The following PAX7 variants were observed in gnomAD, a reference collection of about 807,000 sequenced individuals.
PAX7 encodes the protein paired box protein Pax-7.
Under a neutral mutation model 50.7 loss-of-function variants are expected in PAX7, and 18 were observed. The ratio of observed to expected loss-of-function variants is 0.36; its 90% CI spans 0.25 to 0.53. The LOEUF (loss-of-function observed/expected upper bound fraction) is 0.53. PAX7 is among the 20% of genes least tolerant of loss of function. The pLI, the probability that PAX7 is intolerant of heterozygous loss-of-function variation, is 0.93. For missense variants in PAX7, 644 were observed against 702.9 expected, an observed-to-expected ratio of 0.92 and a Z score of 0.95; for synonymous variants, 310 against 290.4, an observed-to-expected ratio of 1.07 and a Z score of -0.69.
At position 18,735,468 on chromosome 1, in the gene PAX7, G is replaced by A. The variant is rs1218621031; in HGVS notation, c.1156-164G>A. Reference sequence around the variant, plus strand: ...GAAGACCAGCAGCCATCCCATGCATGAGGGCACGCAAATCAGGTAAACTGA... The same window carrying A: ...GAAGACCAGCAGCCATCCCATGCATAAGGGCACGCAAATCAGGTAAACTGA... On this transcript the variant is annotated intron_variant, in intron 7 of 8. Transcript: ENST00000420770. This position sits in a 1 kb window ranked among gnomAD's most constrained non-coding sequence, Gnocchi z 4.0. Among the ~76,000 whole-genome samples the A allele has an allele frequency of 3.3e-5, 5 of 152,170 alleles. No individual in the cohort carries two copies. Among genetic ancestry groups the A allele is most frequent in the African/African-American group, 9.7e-5 (4 of 41,438 alleles).
intron 7 of PAX7, among the ~76,000 whole-genome samples, chr1:18,707,403 CT>C (rs1380138269): frequency 3.9e-5 from 4 of 102,936 alleles, no homozygotes; most frequent in Admixed American, 1.2e-4. Context: ...CTTTCCTTTT[CT>C]TTTTTTCTTT....
intron 8 of PAX7, among the ~76,000 whole-genome samples, chr1:18,739,119 G>A (rs969914495): frequency 6.6e-6 from 1 of 152,200 alleles, no homozygotes; most frequent in African/African-American, 2.4e-5. Context: ...TGGGCAAAAT[G>A]CATGCTCCTC....
At chr1:18,639,963 G>T (rs2088224839) in intron 4 of PAX7, among the ~76,000 whole-genome samples, 1 of 147,920 alleles carries the variant, frequency 6.8e-6, no homozygotes, top group South Asian at 2.2e-4. Context: ...AGTAGTAGTG[G>T]AGGTAGCATT....
chr1:18,725,655 A>T (rs1205634360), intron 7 of PAX7, among the ~76,000 whole-genome samples: 1 of 152,166 alleles, frequency 6.6e-6, no homozygotes, highest in African/African-American at 2.4e-5. Flanking sequence ...TTATGCAATC[A>T]TTATCTTTAA....
intron 7 of PAX7, among the ~76,000 whole-genome samples, chr1:18,708,796 T>C (rs2089314911): frequency 6.6e-6 from 1 of 151,982 alleles, no homozygotes; most frequent in Non-Finnish European, 1.5e-5. Context: ...CTTCAGGAAC[T>C]CATAGTCTGA....
At chr1:18,635,710 A>T (rs1052945024) in intron 3 of PAX7, among the ~76,000 whole-genome samples, 7 of 152,160 alleles carry the variant, frequency 4.6e-5, no homozygotes, top group Middle Eastern at 3.2e-3. Context: ...CCACCGTCTC[A>T]GAGTTATGAT....
At chr1:18,727,866 G>A (rs761366690) in intron 7 of PAX7, among the ~76,000 whole-genome samples, 15 of 152,072 alleles carry the variant, frequency 9.9e-5, no homozygotes, top group Admixed American at 1.3e-4. Flanking sequence ...GAGGCCATAA[G>A]CAGAGATGGA....
intron 4 of PAX7, among the ~76,000 whole-genome samples, chr1:18,647,492 G>T (rs552035752): frequency 4.6e-5 from 7 of 151,190 alleles, no homozygotes; most frequent in South Asian, 4.2e-4. Flanking sequence ...TGGGCGGGGT[G>T]GGGGGGGAGA....
chr1:18,741,832 T>A (rs1479670411), intron 8 of PAX7, among the ~76,000 whole-genome samples: 1 of 152,186 alleles, frequency 6.6e-6, no homozygotes, highest in Non-Finnish European at 1.5e-5. Flanking sequence ...TGCCCTCTAG[T>A]GTTTTGCATG....
chr1:18,704,149 A>G (rs2089256141), intron 7 of PAX7, among the ~76,000 whole-genome samples: 1 of 152,204 alleles, frequency 6.6e-6, no homozygotes, highest in African/African-American at 2.4e-5. Context: ...TAATATGGGA[A>G]ACCCATTACC....
At chr1:18,734,645 C>T (rs1163888004) in intron 7 of PAX7, among the ~76,000 whole-genome samples, 1 of 152,180 alleles carries the variant, frequency 6.6e-6, no homozygotes, top group East Asian at 1.9e-4. Flanking sequence ...TGGGTGCCCT[C>T]CTCTGTGTCC....
At chr1:18,708,016 G>A (rs115659811) in intron 7 of PAX7, among the ~76,000 whole-genome samples, 1,825 of 152,204 alleles carry the variant, frequency 0.012, 36 homozygotes, top group African/African-American at 0.042. Flanking sequence ...TTCCCTGATT[G>A]TCTCCCCTAC....
At chr1:18,685,922 A>AGTG (rs1434705515) in intron 4 of PAX7, among the ~76,000 whole-genome samples, 1 of 152,050 alleles carries the variant, frequency 6.6e-6, no homozygotes, top group African/African-American at 2.4e-5. Flanking sequence ...CATCACCATC[A>AGTG]CCATCACCAT....
At chr1:18,686,890 A>ATT (rs1438211729) in intron 4 of PAX7, among the ~76,000 whole-genome samples, 12 of 24,448 alleles carry the variant, frequency 4.9e-4, no homozygotes, top group South Asian at 1.1e-3. Context: ...TTATTTTATT[A>ATT]TTATTATTAT....
At chr1:18,744,681 G>GATGA in intron 8 of PAX7, 133 bp from the exon 9 acceptor site, 1 of 614,244 alleles carries the variant, frequency 1.6e-6, no homozygotes, top group Non-Finnish European at 2.9e-6. Context: ...TGGATGGATG[G>GATGA]ATGGATAAAT....
chr1:18,631,378 TC>T lies in PAX7; in HGVS notation c.-220del. On this transcript the variant is annotated 5_prime_UTR_variant, in exon 1 of 9. Transcript: ENST00000420770. ...ACTTCCTCGTCGTCGCCACCTTCCC[TC>T]CCCCCAACCTCCACCCCACCTCACC... 4 of 538,264 alleles carry T rather than the reference TC, an allele frequency of 7.4e-6. No homozygotes were observed. The highest frequency in any genetic ancestry group is 3.3e-6 in the Non-Finnish European group (1 of 299,400). The allele number at this position is 538,264 out of a possible 1,614,324, so 33.3% of individuals were successfully genotyped here.
chr1:18,655,897 C>G (rs1431876075), intron 4 of PAX7, among the ~76,000 whole-genome samples: 1 of 151,580 alleles, frequency 6.6e-6, no homozygotes, highest in Non-Finnish European at 1.5e-5. Context: ...TTCGTTTGTT[C>G]ATCTACTTCC....
At chr1:18,681,381 A>C (rs1557526826) in intron 4 of PAX7, among the ~76,000 whole-genome samples, 1 of 152,008 alleles carries the variant, frequency 6.6e-6, no homozygotes, top group Non-Finnish European at 1.5e-5. Context: ...TTCAACTTCA[A>C]CCTCTTGCTT....
intron 8 of PAX7, among the ~76,000 whole-genome samples, chr1:18,740,182 C>T (rs973804377): frequency 1.3e-5 from 2 of 152,218 alleles, no homozygotes; most frequent in Non-Finnish European, 2.9e-5. Context: ...AGAGATGTCA[C>T]AACCCTGCCC....
Sources: allele counts gnomAD v4.1 joint callset (sites outside exome capture counted in the v4.1 genomes callset), GRCh38; gene constraint gnomAD v4.1.1; non-coding constraint Gnocchi (gnomAD v3.1); transcripts MANE v1.5; gene names NCBI Gene and HGNC (gene_info 2026-07-23, HGNC 2026-07-21).